R3HDM1: variants seen among roughly 807,000 people sequenced by gnomAD.
R3HDM1 encodes R3H domain-containing protein 1.
A neutral mutation model predicts 141.1 loss-of-function variants in R3HDM1; 46 were observed. The ratio of observed to expected loss-of-function variants is 0.33; its 90% confidence interval spans 0.26 to 0.42. The LOEUF (loss-of-function observed/expected upper bound fraction) is 0.42, where lower values mean the gene tolerates loss of function less well. R3HDM1 is among the 10% of genes least tolerant of loss of function. The pLI is 1.00. For synonymous variants in R3HDM1, 435 were observed against 472.9 expected (o/e 0.92, Z 1.04); for missense variants, 1,184 against 1,368.3 (o/e 0.87, Z 2.12).
intron 7 of R3HDM1, among the ~76,000 whole-genome samples, chr2:135,629,353 G>C (rs1440134369): frequency 1.3e-5 from 2 of 151,924 alleles, no homozygotes; most frequent in Non-Finnish European, 2.9e-5. Context: ...GGGTGAAAGA[G>C]GGTCTTATAA....
chr2:135,714,785 A>T (rs1041806182), intron 23 of R3HDM1, among the ~76,000 whole-genome samples: 1 of 151,834 alleles, frequency 6.6e-6, no homozygotes, highest in Non-Finnish European at 1.5e-5. Flanking sequence ...ACACACACAC[A>T]CACACAGAGA....
intron 21 of R3HDM1, among the ~76,000 whole-genome samples, chr2:135,701,223 C>CA (rs748354211): frequency 0.025 from 2,060 of 82,230 alleles, 22 homozygotes; most frequent in Middle Eastern, 0.051. Flanking sequence ...TCATCTCTAC[C>CA]AAAAAAAAAA....
At chr2:135,654,792 G>C (rs1260098440) in intron 18 of R3HDM1, among the ~76,000 whole-genome samples, 1 of 151,496 alleles carries the variant, frequency 6.6e-6, no homozygotes, top group African/African-American at 2.4e-5. Context: ...AAATAGTGCT[G>C]TTTTGAATAT....
At chr2:135,545,253 C>G (rs186012729) in intron 1 of R3HDM1, among the ~76,000 whole-genome samples, 92 of 152,180 alleles carry the variant, frequency 6.0e-4, no homozygotes, top group African/African-American at 2.0e-3. Context: ...CCGTGTACTG[C>G]CTATATAAAG....
chr2:135,572,615 G>A (rs921566667), intron 1 of R3HDM1, among the ~76,000 whole-genome samples: 5 of 152,132 alleles, frequency 3.3e-5, no homozygotes, highest in African/African-American at 4.8e-5. Context: ...CAAATTGCTG[G>A]GGAAACAGGG....
At chr2:135,576,902 A>T in intron 1 of R3HDM1, 1 of 204,492 alleles carries the variant, frequency 4.9e-6, no homozygotes, top group Non-Finnish European at 8.6e-6. Flanking sequence ...TCTTGTTGGA[A>T]TAATGAAAAT....
intron 1 of R3HDM1, chr2:135,586,191 A>G (rs1707870816): frequency 6.6e-6 from 1 of 152,338 alleles, no homozygotes; most frequent in South Asian, 2.1e-4. Context: ...TCACAGTTTC[A>G]TGGGCTTTTG....
intron 7 of R3HDM1, among the ~76,000 whole-genome samples, chr2:135,626,185 G>C (rs906983093): frequency 6.9e-6 from 1 of 144,366 alleles, no homozygotes; most frequent in Non-Finnish European, 1.5e-5. Flanking sequence ...GCTTGCTTGC[G>C]TGCGTGCGTG....
Position 135,649,982 on chromosome 2 carries a change from A to T in R3HDM1, c.1704A>T (p.Ser568=), listed in dbSNP as rs180790215. 1.5e-6 allele frequency: 2 copies of T among 1,293,958 alleles called. No homozygotes were observed. The highest frequency in any genetic ancestry group is 1.1e-4 in the East Asian group (2 of 17,672). The allele number at this position is 1,293,958 out of a possible 1,614,324, so 80.2% of individuals were successfully genotyped here. A position where few individuals can be genotyped will look rare whatever the true frequency, so the allele number is the denominator to read the frequency against. Residue 568 remains serine, a synonymous_variant, in exon 17 of 27, where the codon TCA becomes TCT. Coordinates refer to ENST00000683871, the MANE Select transcript of R3HDM1 (RefSeq NM_001378107.1). The part of the protein sequence containing the change: ...APYPSPFLPV[S]PTQQYSVQDN... ...ACCCATCCCCGTTCCTGCCAGTCTC[A>T]CCCACCCAGCAATACTCTGTGGTAC...
chr2:135,548,135 C>G (rs936492305), intron 1 of R3HDM1, among the ~76,000 whole-genome samples: 1 of 152,072 alleles, frequency 6.6e-6, no homozygotes, highest in African/African-American at 2.4e-5. Context: ...AATCATATTC[C>G]TTTTGTACTT....
At chr2:135,716,880 C>T (rs1332116071) in intron 24 of R3HDM1, among the ~76,000 whole-genome samples, 4 of 151,872 alleles carry the variant, frequency 2.6e-5, no homozygotes, top group Admixed American at 2.0e-4. Context: ...TGAACCTGGG[C>T]GGCAGAGGCT....
At chr2:135,636,269 A>G (rs2063237633) in intron 11 of R3HDM1, 86 bp downstream of exon 11, 1 of 1,479,302 alleles carries the variant, frequency 6.8e-7, no homozygotes, top group African/African-American at 1.4e-5. Context: ...TCTATTGATC[A>G]CATTTATTTT....
intron 21 of R3HDM1, among the ~76,000 whole-genome samples, chr2:135,685,912 A>G (rs2071246204): frequency 6.6e-6 from 1 of 152,214 alleles, no homozygotes; most frequent in Non-Finnish European, 1.5e-5. Flanking sequence ...TTACATGTCT[A>G]GAACTTTGTA....
chr2:135,676,972 A>G (rs1246028584), intron 20 of R3HDM1, among the ~76,000 whole-genome samples: 1 of 152,206 alleles, frequency 6.6e-6, no homozygotes, highest in African/African-American at 2.4e-5. Flanking sequence ...TGTACAGACT[A>G]GTAACTGAGA....
At chr2:135,618,741 A>G (rs552658812) in intron 5 of R3HDM1, among the ~76,000 whole-genome samples, 1 of 152,156 alleles carries the variant, frequency 6.6e-6, no homozygotes, top group Non-Finnish European at 1.5e-5. Flanking sequence ...TCTTTTGGCC[A>G]GGGACAGTGG....
intron 17 of R3HDM1, chr2:135,651,108 A>T (rs1034825082): frequency 1.1e-5 from 11 of 985,302 alleles, no homozygotes; most frequent in African/African-American, 1.7e-5. Flanking sequence ...CTGTCATTTG[A>T]ATTACATTTG....
intron 3 of R3HDM1, among the ~76,000 whole-genome samples, chr2:135,614,523 G>C (rs1199414424): frequency 6.6e-6 from 1 of 152,122 alleles, no homozygotes; most frequent in Non-Finnish European, 1.5e-5. Flanking sequence ...TGAACTTTTA[G>C]ACAGATAAAA....
rs530116023 is a variant in R3HDM1 at position 135,554,654 on chromosome 2, T to G, written c.-250+23021T>G. ...TGTGGATTAGGGGTGGGCCCCTATT[T>G]CAATATATTAATAACTGGTGTCTAT... On this transcript the variant is annotated intron_variant, in intron 1 of 26. Coordinates refer to ENST00000683871, the MANE Select transcript of R3HDM1 (RefSeq NM_001378107.1). Among the ~76,000 whole-genome samples, 4 of 152,310 alleles carry G rather than the reference T, an allele frequency of 2.6e-5. No individual in the cohort carries two copies. In the South Asian group the frequency reaches 8.3e-4, roughly 32 times the overall value.
intron 21 of R3HDM1, among the ~76,000 whole-genome samples, chr2:135,698,665 G>A (rs1050345658): frequency 1.1e-4 from 16 of 152,086 alleles, no homozygotes; most frequent in Admixed American, 7.2e-4. Context: ...TCACAGCTCC[G>A]CAGGCTGCAT....
Sources: gnomAD v4.1 joint callset for allele counts (sites outside exome capture counted in the v4.1 genomes callset) on GRCh38, gnomAD v4.1.1 for gene constraint, MANE v1.5 for transcripts, NCBI Gene and HGNC (gene_info 2026-07-23, HGNC 2026-07-21) for gene names.